Variants in PADI4 observed in about 807,000 individuals in gnomAD.
PADI4 encodes peptidyl arginine deiminase 4, also known as protein-arginine deiminase type-4.
In PADI4, 62 loss-of-function variants were observed where a neutral mutation model predicts 75.0. The ratio of observed to expected loss-of-function variants is 0.83; its 90% CI spans 0.67 to 1.02. The LOEUF (loss-of-function observed/expected upper bound fraction) is 1.02. Ranked by LOEUF, PADI4 falls within the 50% of genes least tolerant of loss-of-function variation. The pLI, the probability that PADI4 is intolerant of heterozygous loss-of-function variation, is 0.00. For synonymous variants in PADI4, 361 were observed against 348.1 expected, an observed-to-expected ratio of 1.04 and a Z score of -0.41; for missense variants, 845 against 850.5, an observed-to-expected ratio of 0.99 and a Z score of 0.08.
chr1:17,327,272 C>T (rs2074131269), intron 1 of PADI4, among the ~76,000 whole-genome samples: 1 of 152,088 alleles, frequency 6.6e-6, no homozygotes, highest in Admixed American at 6.6e-5. Context: ...GTAAGTTAAA[C>T]CGTATATCAT....
Position 17,363,624 on chromosome 1 carries a change from G to C in PADI4, c.1861G>C (p.Glu621Gln), listed in dbSNP as rs774118781. 4 of 1,614,144 alleles carry C rather than the reference G, an allele frequency of 2.5e-6. No homozygotes were observed. The East Asian group carries it at 8.9e-5, about 36-fold the overall frequency. ...CLEEKVCSLL[E>Q]PLGLQCTFIN... is the part of the protein sequence containing the mutation. ...GGAGGAGAAGGTGTGTTCCCTGCTG[G>C]AGCCACTGGGCCTCCAGTGCACCTT... Residue 621 changes from glutamate (E) to glutamine (Q), a missense_variant, in exon 16 of 16, where the codon GAG becomes CAG. Physicochemically the swap from Glu to Gln is conservative, Grantham distance 29. Transcript: ENST00000375448.
chr1:17,311,706 C>T (rs56156920), intron 1 of PADI4, among the ~76,000 whole-genome samples: 1 of 151,866 alleles, frequency 6.6e-6, no homozygotes. Flanking sequence ...TTTGTATTTT[C>T]AGTAGAGACG....
intron 15 of PADI4, among the ~76,000 whole-genome samples, chr1:17,363,295 A>G (rs574756966): frequency 6.6e-6 from 1 of 151,558 alleles, no homozygotes; most frequent in East Asian, 2.0e-4. Context: ...ATTTTTAAAA[A>G]TACTTTTTTT....
intron 13 of PADI4, among the ~76,000 whole-genome samples, chr1:17,358,196 C>G (rs1322374259): frequency 6.6e-5 from 10 of 151,920 alleles, no homozygotes; most frequent in Admixed American, 6.6e-4. Context: ...TGCAGTGAGT[C>G]AAGATCGCAC....
chr1:17,309,834 C>T (rs1363110803), intron 1 of PADI4, among the ~76,000 whole-genome samples: 2 of 152,242 alleles, frequency 1.3e-5, no homozygotes, highest in Non-Finnish European at 1.5e-5. Context: ...GCGCCCCCAA[C>T]TCCTCTGAGA....
Position 17,363,961 on chromosome 1 carries a change from C to T in PADI4, c.*206C>T, listed in dbSNP as rs1316013832. ...CTAGCACTGCACACTCAGTTCTGCT[C>T]TAAGAAGCTGCAATAAAGTTTTTTT... On this transcript the variant is annotated 3_prime_UTR_variant, in exon 16 of 16. Transcript: ENST00000375448. 3 of 475,970 alleles carry T rather than the reference C, an allele frequency of 6.3e-6. No homozygotes were observed. 29.5% of individuals were successfully genotyped at this position (475,970 alleles called of 1,614,324 possible).
intron 6 of PADI4, among the ~76,000 whole-genome samples, chr1:17,340,515 G>A (rs907780759): frequency 6.6e-6 from 1 of 152,082 alleles, no homozygotes; most frequent in Non-Finnish European, 1.5e-5. Flanking sequence ...GTTCCAGGCA[G>A]AGGGAACGGC....
chr1:17,336,235 C>T lies in PADI4; in HGVS notation c.408+9C>T. On this transcript the variant is annotated intron_variant, in intron 4 of 15. Coordinates refer to ENST00000375448, the MANE Select transcript of PADI4 (RefSeq NM_012387.3). ...GAGCTGTGAAAGATCAGGTACCACTCACCCAAACGCTCCTTTCCTACTTCT... is the reference window on the plus strand; with the variant it reads ...GAGCTGTGAAAGATCAGGTACCACTTACCCAAACGCTCCTTTCCTACTTCT... 6.2e-7 allele frequency: 1 copy of T among 1,611,084 alleles called. No homozygotes were observed.
intron 15 of PADI4, among the ~76,000 whole-genome samples, chr1:17,362,245 G>A (rs1411560952): frequency 6.6e-6 from 1 of 151,326 alleles, no homozygotes; most frequent in African/African-American, 2.4e-5. Flanking sequence ...AGGCGTGGTG[G>A]CATCTGCTGA....
rs2074347189 is a variant in PADI4, at chr1:17,338,026, G to A, written c.409-12G>A. 1 of 1,556,060 alleles carries A rather than the reference G, an allele frequency of 6.4e-7. No individual in the cohort carries two copies. The highest frequency in any genetic ancestry group is 1.4e-5 in the African/African-American group (1 of 73,878). The stretch of plus-strand genomic sequence containing the variant: ...TAGTTTCTGAGCATGACTCTTCCCT[G>A]CTGGTGTCCAGAGGACCTGGACCTG... On this transcript the variant is annotated splice_polypyrimidine_tract_variant and intron_variant, in intron 4 of 15. Transcript: ENST00000375448.
intron 3 of PADI4, among the ~76,000 whole-genome samples, chr1:17,335,789 A>G (rs1236920144): frequency 6.6e-6 from 1 of 152,160 alleles, no homozygotes. Context: ...GAGTCTTTCG[A>G]GAGGCTGGCA....
intron 10 of PADI4, among the ~76,000 whole-genome samples, chr1:17,351,980 G>A (rs142277477): frequency 0.11 from 5,367 of 48,118 alleles, 928 homozygotes; most frequent in African/African-American, 0.43. Flanking sequence ...GGGAGGTGAT[G>A]GGAGGAGAGG....
intron 3 of PADI4, chr1:17,334,823 G>A (rs531627071): frequency 1.1e-5 from 4 of 350,970 alleles, no homozygotes; most frequent in African/African-American, 8.6e-5. Context: ...ATAATATCAT[G>A]ATTAGTATCA....
intron 1 of PADI4, among the ~76,000 whole-genome samples, chr1:17,313,587 C>G (rs2073881997): frequency 6.6e-6 from 1 of 151,528 alleles, no homozygotes; most frequent in Non-Finnish European, 1.5e-5. Flanking sequence ...TTGCATGACC[C>G]AGTTCCTAGC....
At position 17,356,883 on chromosome 1, in the gene PADI4, CG is replaced by C; in HGVS notation, c.1558+428del. On this transcript the variant is annotated intron_variant, in intron 13 of 15. Transcript: ENST00000375448. The surrounding 1 kb of genome is among the most constrained non-coding windows in gnomAD (Gnocchi z 4.1). ...GAAAGCACGATGTGTGTGAGGACCT[CG>C]GGGAGGTTCGGTATAGCTGGAGCAC... Among the ~76,000 whole-genome samples the C allele has an allele frequency of 6.6e-6, 1 of 152,278 alleles. No homozygotes were observed. The highest frequency in any genetic ancestry group is 2.4e-5 in the African/African-American group (1 of 41,554).
chr1:17,355,169 G>C (rs1433086635), intron 11 of PADI4, among the ~76,000 whole-genome samples: 1 of 152,232 alleles, frequency 6.6e-6, no homozygotes, highest in East Asian at 1.9e-4. Flanking sequence ...ATCTGGGACA[G>C]AGAGTTCCTG....
At chr1:17,341,800 G>A in intron 6 of PADI4, 143 bp from the exon 7 acceptor site, 1 of 625,902 alleles carries the variant, frequency 1.6e-6, no homozygotes. Context: ...CTCCTAAGGG[G>A]ACTGGCCAGA....
intron 1 of PADI4, among the ~76,000 whole-genome samples, chr1:17,319,435 G>A (rs2073996746): frequency 6.6e-6 from 1 of 152,080 alleles, no homozygotes. Context: ...CAGGGGTGAT[G>A]GCATGTACCT....
chr1:17,311,720 T>C (rs2073833601), intron 1 of PADI4, among the ~76,000 whole-genome samples: 1 of 152,006 alleles, frequency 6.6e-6, no homozygotes, highest in African/African-American at 2.4e-5. Context: ...AGAGACGGTG[T>C]TTCACCGTGT....
Sources: allele counts gnomAD v4.1 joint callset (sites outside exome capture counted in the v4.1 genomes callset), GRCh38; gene constraint gnomAD v4.1.1; non-coding constraint Gnocchi (gnomAD v3.1); transcripts MANE v1.5; gene names NCBI Gene and HGNC (gene_info 2026-07-23, HGNC 2026-07-21).